Variants in THOP1 observed in about 807,000 individuals in gnomAD.
The protein encoded by THOP1 is thimet oligopeptidase.
A neutral mutation model predicts 71.8 loss-of-function variants in THOP1; 49 were observed. That is an observed-to-expected ratio of 0.68 (90% CI 0.54 to 0.87). THOP1 has a LOEUF of 0.87. Among genes scored for constraint, THOP1 ranks in the 40% least tolerant of loss-of-function variants. The pLI is 0.00. For missense variants in THOP1, 843 were observed against 975.6 expected, an observed-to-expected ratio of 0.86 and a Z score of 1.81; for synonymous variants, 426 against 421.5, an observed-to-expected ratio of 1.01 and a Z score of -0.13.
intron 1 of THOP1, among the ~76,000 whole-genome samples, 183 bp from the exon 2 acceptor site, chr19:2,790,238 T>C (rs931443009): frequency 6.6e-6 from 1 of 152,158 alleles, no homozygotes; most frequent in African/African-American, 2.4e-5. Context: ...CTGGATGGGA[T>C]TGATGGCAGA....
intron 5 of THOP1, among the ~76,000 whole-genome samples, chr19:2,803,479 A>C (rs1916208227): frequency 6.6e-6 from 1 of 152,030 alleles, no homozygotes; most frequent in Admixed American, 6.6e-5. Flanking sequence ...CCCTTTTTCT[A>C]AAAAAATAAA....
intron 1 of THOP1, among the ~76,000 whole-genome samples, chr19:2,787,293 A>G (rs1915769528): frequency 6.6e-6 from 1 of 152,194 alleles, no homozygotes; most frequent in Non-Finnish European, 1.5e-5. Flanking sequence ...CTCTTTGTCC[A>G]GCCCATTGCG....
At chr19:2,791,150 C>T (rs1449814200) in intron 2 of THOP1, among the ~76,000 whole-genome samples, 1 of 152,220 alleles carries the variant, frequency 6.6e-6, no homozygotes, top group Non-Finnish European at 1.5e-5. Context: ...TCCTCCTCAC[C>T]CTCAGCCCGA....
chr19:2,804,797 C>T lies in THOP1; in HGVS notation c.590-219C>T. 3.8e-6 allele frequency: 2 copies of T among 525,660 alleles called. No individual in the cohort carries two copies. The highest frequency in any genetic ancestry group is 3.4e-5 in the East Asian group (1 of 29,356). The allele number at this position is 525,660 out of a possible 1,614,324, so 32.6% of individuals were successfully genotyped here. A position where few individuals can be genotyped will look rare whatever the true frequency, so the allele number is the denominator to read the frequency against. ...TAGAGGCGGGACGTGAGAAACGTGGCAGGTGGTGGCCAGGCTGTGGGGGAG... is the reference window on the plus strand; with the variant it reads ...TAGAGGCGGGACGTGAGAAACGTGGTAGGTGGTGGCCAGGCTGTGGGGGAG... On this transcript the variant is annotated intron_variant, in intron 5 of 12. Coordinates refer to ENST00000307741, the MANE Select transcript of THOP1 (RefSeq NM_003249.5). The surrounding 1 kb of genome is among the most constrained non-coding windows in gnomAD (Gnocchi z 4.7).
chr19:2,808,284 C>G lies in THOP1; in HGVS notation c.1295C>G (p.Pro432Arg). 6.4e-7 allele frequency: 1 copy of G among 1,562,952 alleles called. No individual in the cohort carries two copies. The highest frequency in any genetic ancestry group is 8.7e-7 in the Non-Finnish European group (1 of 1,153,758). Residue 432 changes from proline to arginine, a missense_variant, in exon 9 of 13, where the codon CCC becomes CGC. By Grantham distance (103) the Pro-to-Arg change is moderately radical. Transcript: ENST00000307741. ...CACGCGGCCTGCTTTGGCCTGCAGC[C>G]CGGCTGCCTGCGGCAGGATGGGAGC... ...YGHAACFGLQ[P>R]GCLRQDGSRQ...
chr19:2,806,941 C>A lies in THOP1; in HGVS notation c.775C>A (p.Leu259Met), dbSNP rs776512166. The A allele has an allele frequency of 1.9e-6, 3 of 1,613,080 alleles. No homozygotes were observed. Among genetic ancestry groups the A allele is most frequent in the African/African-American group, 1.3e-5 (1 of 75,020 alleles). Reference protein sequence around the residue: ...KEENCAILKELVTLRAQKSRL... With the variant: ...KEENCAILKEMVTLRAQKSRL... The stretch of plus-strand genomic sequence containing the variant: ...GGAGAACTGCGCTATCCTCAAGGAG[C>A]TGGTGACGCTGCGGGCCCAGAAGTC... The change falls in exon 7 of 13, where the codon CTG becomes ATG. Residue 259 changes from leucine to methionine, a missense_variant. Transcript: ENST00000307741.
Position 2,790,473 on chromosome 19 carries a change from C to T in THOP1, c.69C>T (p.Asp23=). The change falls in exon 2 of 13, where the codon GAC becomes GAT. Residue 23 remains aspartate, a synonymous_variant. Coordinates refer to ENST00000307741, the MANE Select transcript of THOP1 (RefSeq NM_003249.5). ...CATCTCCGTGCTCTGTGGTAAACGA[C>T]CTGCGGTGGGACCTGAGTGCCCAGC... ...DAASPCSVVN[D]LRWDLSAQQI... is the part of the protein sequence containing the mutation. 1 of 1,602,580 alleles carries T rather than the reference C, an allele frequency of 6.2e-7. No individual in the cohort carries two copies. The highest frequency in any genetic ancestry group is 1.1e-5 in the South Asian group (1 of 89,676).
chr19:2,813,440 C>G lies in THOP1; in HGVS notation c.*164C>G. 1.1e-6 allele frequency: 1 copy of G among 922,490 alleles called. No homozygotes were observed. The highest frequency in any genetic ancestry group is 2.7e-5 in the East Asian group (1 of 36,902). 57.1% of individuals were successfully genotyped at this position (922,490 alleles called of 1,614,324 possible). Reference sequence around the variant, plus strand: ...TTGTCTGTCCCCACCCGGTCGTGGCCCACCCGGCTAGAGACGGCGTCCTCA... The same window carrying G: ...TTGTCTGTCCCCACCCGGTCGTGGCGCACCCGGCTAGAGACGGCGTCCTCA... On this transcript the variant is annotated 3_prime_UTR_variant, in exon 13 of 13. Coordinates refer to ENST00000307741, the MANE Select transcript of THOP1 (RefSeq NM_003249.5).
intron 1 of THOP1, among the ~76,000 whole-genome samples, chr19:2,785,907 A>G (rs941570202): frequency 3.3e-5 from 5 of 151,944 alleles, no homozygotes; most frequent in Non-Finnish European, 5.9e-5. Context: ...TCCCTTCCGG[A>G]TGGGTCGGGC....
chr19:2,812,567 G>T (rs759147651), intron 12 of THOP1, among the ~76,000 whole-genome samples: 43 of 152,326 alleles, frequency 2.8e-4, no homozygotes, highest in Non-Finnish European at 4.9e-4. Context: ...ACCGGCCGGG[G>T]GCTGTAGAGG....
intron 5 of THOP1, among the ~76,000 whole-genome samples, chr19:2,802,140 T>C (rs1037132291): frequency 9.8e-5 from 14 of 142,672 alleles, no homozygotes; most frequent in African/African-American, 3.2e-4. Flanking sequence ...TCTCCAACAC[T>C]GCCACCTCCA....
chr19:2,808,863 G>T (rs1318176231), intron 9 of THOP1, among the ~76,000 whole-genome samples: 1 of 152,192 alleles, frequency 6.6e-6, no homozygotes, highest in African/African-American at 2.4e-5. Context: ...AACCTCACTT[G>T]ACCGTAGTGA....
intron 12 of THOP1, chr19:2,812,122 CAG>C (rs1238731324): frequency 7.0e-7 from 1 of 1,421,864 alleles, no homozygotes; most frequent in East Asian, 2.6e-5. Flanking sequence ...TGATCGGCCT[CAG>C]AGCCATGGGC....
At chr19:2,807,936 C>A in intron 8 of THOP1, 128 bp downstream of exon 8, 1 of 1,139,738 alleles carries the variant, frequency 8.8e-7, no homozygotes, top group Non-Finnish European at 1.2e-6. Flanking sequence ...AACCCCGAGA[C>A]GTAGCACCCG....
Position 2,804,962 on chromosome 19 carries a change from G to T in THOP1, c.590-54G>T. On this transcript the variant is annotated intron_variant, in intron 5 of 12. Coordinates refer to ENST00000307741, the MANE Select transcript of THOP1 (RefSeq NM_003249.5). This position sits in a 1 kb window ranked among gnomAD's most constrained non-coding sequence, Gnocchi z 4.7. ...CCACCCCTTCCCTCACACGCTGTGT[G>T]CAGGCTGTGGGCCCATCAGTCCTGT... is the stretch of plus-strand genomic sequence containing the variant. 1.3e-6 allele frequency: 2 copies of T among 1,556,404 alleles called. No homozygotes were observed. Among genetic ancestry groups the T allele is most frequent in the Non-Finnish European group, 1.7e-6 (2 of 1,148,610 alleles).
At chr19:2,790,688 C>A in intron 2 of THOP1, 55 bp downstream of exon 2, 1 of 1,451,004 alleles carries the variant, frequency 6.9e-7, no homozygotes, top group Non-Finnish European at 9.1e-7. Context: ...GAGGTGGCAC[C>A]GCAGGCGGGA....
chr19:2,791,218 C>T (rs1230448399), intron 2 of THOP1, among the ~76,000 whole-genome samples: 1 of 152,206 alleles, frequency 6.6e-6, no homozygotes, highest in Non-Finnish European at 1.5e-5. Context: ...TGCCTAGTGA[C>T]AGGGGTTAGG....
chr19:2,794,637 AGGCTG>A, intron 2 of THOP1, 122 bp from the exon 3 acceptor site: 1 of 1,179,324 alleles, frequency 8.5e-7, no homozygotes, highest in Non-Finnish European at 1.2e-6. Flanking sequence ...GCTACTTGGG[AGGCTG>A]AGGCAGGAGA....
At chr19:2,810,851 G>A in intron 11 of THOP1, 83 bp downstream of exon 11, 4 of 1,504,512 alleles carry the variant, frequency 2.7e-6, no homozygotes, top group Non-Finnish European at 2.7e-6. Flanking sequence ...TGGTCCCCAT[G>A]CTTCACTTAG....
Sources: gnomAD v4.1 joint callset for allele counts (sites outside exome capture counted in the v4.1 genomes callset) on GRCh38, gnomAD v4.1.1 for gene constraint, Gnocchi (gnomAD v3.1) non-coding constraint, MANE v1.5 for transcripts, NCBI Gene and HGNC (gene_info 2026-07-23, HGNC 2026-07-21) for gene names.